The following FCHSD2 variants were observed in gnomAD, a reference collection of about 807,000 sequenced individuals.
FCHSD2 encodes the protein FCH and double SH3 domains 2.
A neutral mutation model predicts 108.1 loss-of-function variants in FCHSD2; 38 were observed. The ratio of observed to expected loss-of-function variants is 0.35; its 90% CI spans 0.27 to 0.46. The LOEUF (loss-of-function observed/expected upper bound fraction) is 0.46. Ranked by LOEUF, FCHSD2 falls within the 20% of genes least tolerant of loss-of-function variation. FCHSD2 has a pLI of 1.00. For missense variants in FCHSD2, 751 were observed against 897.8 expected, an observed-to-expected ratio of 0.84 and a Z score of 2.09; for synonymous variants, 279 against 314.7, an observed-to-expected ratio of 0.89 and a Z score of 1.20.
chr11:72,969,947 C>CCA (rs1856979173), intron 8 of FCHSD2, among the ~76,000 whole-genome samples: 3 of 152,106 alleles, frequency 2.0e-5, no homozygotes, highest in Admixed American at 1.3e-4. Context: ...TTGTCTGTGG[C>CCA]CAGGGACTAT....
At chr11:72,981,372 G>A (rs1360985982) in intron 8 of FCHSD2, among the ~76,000 whole-genome samples, 1 of 151,952 alleles carries the variant, frequency 6.6e-6, no homozygotes, top group Non-Finnish European at 1.5e-5. Context: ...CTTCCTCTTT[G>A]CTTTAGGCAG....
intron 8 of FCHSD2, among the ~76,000 whole-genome samples, chr11:72,923,737 C>T (rs768701745): frequency 2.5e-4 from 38 of 151,978 alleles, no homozygotes; most frequent in African/African-American, 8.2e-4. Flanking sequence ...ATCAGGAGTT[C>T]GAGACCAGCC....
intron 9 of FCHSD2, among the ~76,000 whole-genome samples, chr11:72,916,790 TAC>T (rs1353638101): frequency 6.6e-6 from 1 of 152,236 alleles, no homozygotes; most frequent in African/African-American, 2.4e-5. Flanking sequence ...TTTAATTTGA[TAC>T]AGTCTAATTA....
chr11:73,032,926 A>G (rs541834112), intron 3 of FCHSD2, among the ~76,000 whole-genome samples: 1 of 152,294 alleles, frequency 6.6e-6, no homozygotes, highest in Admixed American at 6.5e-5. Context: ...CGAGCAGTGC[A>G]GTGCCATTAT....
At chr11:73,139,992 G>A (rs1861210086) in intron 2 of FCHSD2, 39 bp downstream of exon 2, 1 of 1,157,534 alleles carries the variant, frequency 8.6e-7, no homozygotes, top group Non-Finnish European at 1.2e-6. Context: ...CTTTGAAACA[G>A]ACAAACAGAA....
At chr11:73,104,549 C>A (rs2135536304) in intron 2 of FCHSD2, among the ~76,000 whole-genome samples, 1 of 151,782 alleles carries the variant, frequency 6.6e-6, no homozygotes, top group Middle Eastern at 3.4e-3. Flanking sequence ...GAGTGAGCCA[C>A]CACACCTGGC....
At chr11:73,135,498 T>G (rs955232645) in intron 2 of FCHSD2, among the ~76,000 whole-genome samples, 9 of 152,206 alleles carry the variant, frequency 5.9e-5, no homozygotes, top group Non-Finnish European at 1.0e-4. Context: ...CTACTCAACA[T>G]AGCACAGGAT....
At chr11:72,931,960 G>A (rs1330565935) in intron 8 of FCHSD2, among the ~76,000 whole-genome samples, 2 of 152,144 alleles carry the variant, frequency 1.3e-5, no homozygotes, top group Non-Finnish European at 2.9e-5. Context: ...ATTTTGACCA[G>A]ACACTACTTC....
At chr11:73,068,467 TAACA>T (rs1402263130) in intron 3 of FCHSD2, among the ~76,000 whole-genome samples, 1 of 152,056 alleles carries the variant, frequency 6.6e-6, no homozygotes, top group East Asian at 1.9e-4. Context: ...TTTACCTATG[TAACA>T]AACCTGCACA....
At chr11:72,972,897 A>G (rs1484344042) in intron 8 of FCHSD2, among the ~76,000 whole-genome samples, 3 of 152,216 alleles carry the variant, frequency 2.0e-5, no homozygotes, top group Non-Finnish European at 2.9e-5. Context: ...GCTGAAAGGT[A>G]CAATAAAAGG....
intron 9 of FCHSD2, among the ~76,000 whole-genome samples, chr11:72,917,467 C>A (rs1855896974): frequency 6.6e-6 from 1 of 152,178 alleles, no homozygotes; most frequent in African/African-American, 2.4e-5. Flanking sequence ...TATGTCCATA[C>A]CACGCTATCT....
At chr11:73,090,760 T>G (rs1859938108) in intron 2 of FCHSD2, among the ~76,000 whole-genome samples, 1 of 152,190 alleles carries the variant, frequency 6.6e-6, no homozygotes, top group African/African-American at 2.4e-5. Flanking sequence ...AATGCATGTT[T>G]TTATTGAGAT....
intron 3 of FCHSD2, among the ~76,000 whole-genome samples, chr11:73,059,013 T>C (rs910088885): frequency 6.6e-6 from 1 of 152,180 alleles, no homozygotes; most frequent in African/African-American, 2.4e-5. Context: ...CAATGAATCA[T>C]CCCATTTTAG....
intron 2 of FCHSD2, among the ~76,000 whole-genome samples, chr11:73,131,790 T>G (rs979031703): frequency 1.3e-5 from 2 of 151,840 alleles, no homozygotes; most frequent in African/African-American, 4.8e-5. Flanking sequence ...AAGAAAAAAA[T>G]GCTGCCAATT....
chr11:73,100,198 T>C (rs1381870493), intron 2 of FCHSD2, among the ~76,000 whole-genome samples: 1 of 152,004 alleles, frequency 6.6e-6, no homozygotes, highest in African/African-American at 2.4e-5. Flanking sequence ...TCCCACCTCC[T>C]TGTCACCAAA....
At chr11:72,937,065 T>C (rs1414827142) in intron 8 of FCHSD2, among the ~76,000 whole-genome samples, 1 of 152,102 alleles carries the variant, frequency 6.6e-6, no homozygotes, top group Non-Finnish European at 1.5e-5. Context: ...TACCATCCAA[T>C]AGCAAAGAGG....
chr11:72,912,137 C>G (rs1003494671), intron 9 of FCHSD2, among the ~76,000 whole-genome samples: 2 of 152,180 alleles, frequency 1.3e-5, no homozygotes, highest in Admixed American at 1.3e-4. Context: ...GATGCTCTTT[C>G]TTTCTTTTGT....
chr11:72,894,023 G>T (rs887584490), intron 10 of FCHSD2, among the ~76,000 whole-genome samples: 1 of 152,144 alleles, frequency 6.6e-6, no homozygotes, highest in Non-Finnish European at 1.5e-5. Context: ...CTTCGCAGAA[G>T]AAAACAATCA....
intron 3 of FCHSD2, among the ~76,000 whole-genome samples, chr11:73,051,996 C>A (rs1293235372): frequency 1.3e-5 from 2 of 151,688 alleles, no homozygotes; most frequent in African/African-American, 2.4e-5. Context: ...AATAAAGAAC[C>A]AATTTCCAAT....
Sources: gnomAD v4.1 joint callset for allele counts (sites outside exome capture counted in the v4.1 genomes callset) on GRCh38, gnomAD v4.1.1 for gene constraint, MANE v1.5 for transcripts, NCBI Gene and HGNC (gene_info 2026-07-23, HGNC 2026-07-21) for gene names.